IL1RAPL1: variants seen among roughly 807,000 people sequenced by gnomAD.
IL1RAPL1 encodes the protein interleukin-1 receptor accessory protein-like 1.
IL1RAPL1 carries 3 observed loss-of-function variants against 48.4 expected under a neutral mutation model. The ratio of observed to expected loss-of-function variants is 0.06; its 90% CI spans 0.03 to 0.16. The LOEUF (loss-of-function observed/expected upper bound fraction) is 0.16. IL1RAPL1 is among the 10% of genes least tolerant of loss of function. The pLI, the probability that IL1RAPL1 is intolerant of heterozygous loss-of-function variation, is 1.00. For synonymous variants in IL1RAPL1, 185 were observed against 187.7 expected (o/e 0.99, Z 0.12); for missense variants, 349 against 530.6 (o/e 0.66, Z 3.36).
chrX:29,856,452 G>A (rs776056611), intron 6 of IL1RAPL1, among the ~76,000 whole-genome samples: 10 of 111,975 alleles, frequency 8.9e-5, no homozygotes, highest in Non-Finnish European at 1.9e-4. Context: ...GAGTTCAGTG[G>A]CAGCATCACA....
At chrX:29,036,522 A>G (rs1342825718) in intron 2 of IL1RAPL1, among the ~76,000 whole-genome samples, 1 of 112,157 alleles carries the variant, frequency 8.9e-6, no homozygotes, top group Non-Finnish European at 1.9e-5. Flanking sequence ...ATTTTCTTAC[A>G]TCTCTTAATT....
chrX:28,753,474 G>A (rs753911140), intron 1 of IL1RAPL1, among the ~76,000 whole-genome samples: 7 of 112,072 alleles, frequency 6.2e-5, no homozygotes, highest in African/African-American at 1.6e-4. Context: ...AATAGGTTCC[G>A]AATCTTCCTC....
intron 2 of IL1RAPL1, among the ~76,000 whole-genome samples, chrX:28,922,431 G>A (rs139287519): frequency 0.04 from 4,438 of 111,514 alleles, 222 homozygotes; most frequent in African/African-American, 0.14. Flanking sequence ...TGTTGGCAAT[G>A]CTGAAAGTAA....
chrX:29,419,827 T>C (rs1390142811), intron 5 of IL1RAPL1, among the ~76,000 whole-genome samples: 1 of 111,659 alleles, frequency 9.0e-6, no homozygotes, highest in African/African-American at 3.3e-5. Context: ...TTCTGTACTT[T>C]GGAAATAGTT....
At chrX:28,938,435 T>C (rs1344486393) in intron 2 of IL1RAPL1, among the ~76,000 whole-genome samples, 1 of 103,509 alleles carries the variant, frequency 9.7e-6, no homozygotes, top group African/African-American at 3.6e-5. Flanking sequence ...CCCCAGTTAT[T>C]CAATAAACGG....
intron 1 of IL1RAPL1, among the ~76,000 whole-genome samples, chrX:28,726,945 T>C (rs888210779): frequency 4.5e-5 from 5 of 112,055 alleles, no homozygotes; most frequent in African/African-American, 1.6e-4. Flanking sequence ...GTGAACATAG[T>C]AGTAATGTAA....
At chrX:29,038,084 T>A in intron 2 of IL1RAPL1, among the ~76,000 whole-genome samples, 1 of 108,580 alleles carries the variant, frequency 9.2e-6, no homozygotes, top group Non-Finnish European at 1.9e-5. Flanking sequence ...AAAAAAAAAA[T>A]GTTCACAGGG....
At chrX:29,529,707 C>A (rs2087734293) in intron 5 of IL1RAPL1, among the ~76,000 whole-genome samples, 1 of 109,829 alleles carries the variant, frequency 9.1e-6, no homozygotes, top group Non-Finnish European at 1.9e-5. Context: ...AAGAGAATAT[C>A]TTTTGTTCTT....
intron 3 of IL1RAPL1, among the ~76,000 whole-genome samples, chrX:29,296,090 G>A (rs775993304): frequency 8.9e-6 from 1 of 112,206 alleles, no homozygotes; most frequent in Admixed American, 9.4e-5. Context: ...AAGTCAGGCA[G>A]AGATGTGTTT....
At chrX:29,618,657 A>C (rs1006872801) in intron 5 of IL1RAPL1, among the ~76,000 whole-genome samples, 2 of 111,546 alleles carry the variant, frequency 1.8e-5, no homozygotes, top group Non-Finnish European at 3.8e-5. Context: ...TTAGGAGGAG[A>C]TGTGTGATTA....
intron 2 of IL1RAPL1, among the ~76,000 whole-genome samples, chrX:29,091,122 G>T (rs1928080157): frequency 8.9e-6 from 1 of 112,059 alleles, no homozygotes; most frequent in Non-Finnish European, 1.9e-5. Context: ...TGAACTAGAT[G>T]CTATCTTTCG....
At chrX:29,335,699 G>C (rs1040828814) in intron 3 of IL1RAPL1, among the ~76,000 whole-genome samples, 1 of 111,371 alleles carries the variant, frequency 9.0e-6, no homozygotes, top group Non-Finnish European at 1.9e-5. Flanking sequence ...ATGCTTGACT[G>C]TACATATCAT....
intron 2 of IL1RAPL1, among the ~76,000 whole-genome samples, chrX:28,896,275 A>G (rs1357379519): frequency 9.0e-6 from 1 of 111,689 alleles, no homozygotes; most frequent in Admixed American, 9.5e-5. Flanking sequence ...GCTGGAATTT[A>G]ATTTTTGGAG....
intron 5 of IL1RAPL1, among the ~76,000 whole-genome samples, chrX:29,464,531 CTGT>C (rs1299544563): frequency 3.6e-5 from 4 of 112,002 alleles, no homozygotes; most frequent in Non-Finnish European, 5.6e-5. Flanking sequence ...TTACAGTACT[CTGT>C]TGTTGACAAA....
At chrX:29,691,772 A>AAAAAAAAAAAAAAAAAAAAAAAAAG (rs34962805) in intron 6 of IL1RAPL1, among the ~76,000 whole-genome samples, 1 of 90,135 alleles carries the variant, frequency 1.1e-5, no homozygotes, top group African/African-American at 4.6e-5. Context: ...AAAAAAAAAA[A>AAAAAAAAAAAAAAAAAAAAAAAAAG]CTCACTATAC....
chrX:29,350,960 T>C (rs1444809676), intron 3 of IL1RAPL1, among the ~76,000 whole-genome samples: 3 of 111,441 alleles, frequency 2.7e-5, no homozygotes, highest in South Asian at 3.8e-4. Flanking sequence ...CAAGAACCTA[T>C]AGATGACATT....
intron 5 of IL1RAPL1, among the ~76,000 whole-genome samples, chrX:29,542,398 A>C (rs1483772869): frequency 9.0e-6 from 1 of 111,664 alleles, no homozygotes; most frequent in Non-Finnish European, 1.9e-5. Flanking sequence ...TGACTTTTTC[A>C]CTTTCAATAG....
intron 3 of IL1RAPL1, among the ~76,000 whole-genome samples, chrX:29,351,501 A>G (rs1933229605): frequency 8.9e-6 from 1 of 112,206 alleles, no homozygotes; most frequent in Non-Finnish European, 1.9e-5. Flanking sequence ...TTATTTTTCT[A>G]TGAAAGTCTG....
At chrX:29,621,201 A>G (rs1369752893) in intron 5 of IL1RAPL1, among the ~76,000 whole-genome samples, 1 of 111,900 alleles carries the variant, frequency 8.9e-6, no homozygotes, top group Non-Finnish European at 1.9e-5. Context: ...AGAGGTTCCA[A>G]AGTAAAAATC....
Sources: gnomAD v4.1 joint callset for allele counts (sites outside exome capture counted in the v4.1 genomes callset) on GRCh38, gnomAD v4.1.1 for gene constraint, MANE v1.5 for transcripts, NCBI Gene and HGNC (gene_info 2026-07-23, HGNC 2026-07-21) for gene names.